SEL1L3: variants seen among roughly 807,000 people sequenced by gnomAD.
The protein encoded by SEL1L3 is protein sel-1 homolog 3.
In SEL1L3, 76 loss-of-function variants were observed where a neutral mutation model predicts 142.8. That is an observed-to-expected ratio of 0.53 (90% CI 0.44 to 0.64). SEL1L3 has a LOEUF of 0.64. Ranked by LOEUF, SEL1L3 falls within the 30% of genes least tolerant of loss-of-function variation. SEL1L3 has a pLI of 0.00. For missense variants in SEL1L3, 1,262 were observed against 1,381.7 expected (o/e 0.91, Z 1.37); for synonymous variants, 504 against 519.6 (o/e 0.97, Z 0.41).
At position 25,755,773 on chromosome 4, in the gene SEL1L3, T is replaced by TA. The variant is rs547497100; in HGVS notation, c.3259+1760dup. 1.7e-4 allele frequency: 117 copies of TA among 704,622 alleles called. No homozygotes were observed. The African/African-American group carries it at 2.1e-3, about 13-fold the overall frequency. The allele number at this position is 704,622 out of a possible 1,614,324, so 43.6% of individuals were successfully genotyped here. ...GAATTTTCATGGCTACCAGCTGGCA[T>TA]AAAATCACAAAGACAAATTTCAGCT... On this transcript the variant is annotated intron_variant, in intron 23 of 23. Transcript: ENST00000399878.
chr4:25,717,351 TATA>T, the SEL1L3 span, among the ~76,000 whole-genome samples: 18 of 152,304 alleles, frequency 1.2e-4, no homozygotes, highest in East Asian at 2.5e-3. Flanking sequence ...TTTTTGTGGC[TATA>T]ATATTTTGTT....
chr4:25,778,209 G>A (rs1719765623), intron 16 of SEL1L3, among the ~76,000 whole-genome samples: 1 of 152,034 alleles, frequency 6.6e-6, no homozygotes, highest in African/African-American at 2.4e-5. Flanking sequence ...TGACAAAGAA[G>A]AGAACCAAAA....
intron 20 of SEL1L3, among the ~76,000 whole-genome samples, chr4:25,761,157 TAAGAG>T (rs906421166): frequency 6.6e-6 from 1 of 152,170 alleles, no homozygotes; most frequent in African/African-American, 2.4e-5. Flanking sequence ...TTTGAGATAT[TAAGAG>T]AAAAGAAAAA....
Position 25,818,310 on chromosome 4 carries a change from C to T in SEL1L3, c.1424-32G>A, listed in dbSNP as rs992873139. ...AGAAGAGGGAGCAGAAGATATCACACCCTTTAGCAGAAGATAAGACTCACC... is the reference window on the plus strand; with the variant it reads ...AGAAGAGGGAGCAGAAGATATCACATCCTTTAGCAGAAGATAAGACTCACC... On this transcript the variant is annotated intron_variant, in intron 8 of 23. Transcript: ENST00000399878. 3 of 1,568,842 alleles carry T rather than the reference C, an allele frequency of 1.9e-6. No individual in the cohort carries two copies. The South Asian group carries it at 3.6e-5, about 19-fold the overall frequency.
Position 25,804,634 on chromosome 4 carries a change from C to T in SEL1L3, c.1683G>A (p.Leu561=), listed in dbSNP as rs1003841509. ...LHQISSIVPF[L]TDSSCCGYHK... is the part of the protein sequence containing the mutation. ...GGTATCCACAGCAGCTGGAATCCGT[C>T]AGAAAGGGGACGATAGAGCTAATTT... The change falls in exon 10 of 24, where the codon CTG becomes CTA. Residue 561 remains leucine, a synonymous_variant. Coordinates refer to ENST00000399878, the MANE Select transcript of SEL1L3 (RefSeq NM_015187.5). 1.2e-6 allele frequency: 2 copies of T among 1,613,766 alleles called. No homozygotes were observed. Among genetic ancestry groups the T allele is most frequent in the Non-Finnish European group, 1.7e-6 (2 of 1,179,798 alleles).
At chr4:25,797,481 T>C (rs1367563760) in intron 11 of SEL1L3, among the ~76,000 whole-genome samples, 1 of 152,148 alleles carries the variant, frequency 6.6e-6, no homozygotes, top group Non-Finnish European at 1.5e-5. Flanking sequence ...TAGGGACTTG[T>C]AAGTCGGAAG....
chr4:25,798,133 G>A lies in SEL1L3; in HGVS notation c.1956+4150C>T, dbSNP rs554950846. On this transcript the variant is annotated intron_variant, in intron 11 of 23. Transcript: ENST00000399878. ...GTAGCAAGGAACCAGATCGAAGAAC[G>A]TCTCATACGGCATCCGATGAGCTAG... Among the ~76,000 whole-genome samples the A allele has an allele frequency of 5.9e-5, 9 of 152,256 alleles. No individual in the cohort carries two copies. The East Asian group carries it at 1.5e-3, about 26-fold the overall frequency.
At chr4:25,722,477 A>G in the SEL1L3 span, among the ~76,000 whole-genome samples, 1 of 152,186 alleles carries the variant, frequency 6.6e-6, no homozygotes, top group Non-Finnish European at 1.5e-5. Context: ...AAGAATAAAA[A>G]TACATAGAGC....
In SEL1L3 at chr4:25,790,594, AGAAGGAAGGAGGGAAAGAAG is replaced by A; in HGVS notation, c.1957-40_1957-21del. 7.2e-7 allele frequency: 1 copy of A among 1,390,204 alleles called. No individual in the cohort carries two copies. The highest frequency in any genetic ancestry group is 9.8e-7 in the Non-Finnish European group (1 of 1,015,606). The allele number at this position is 1,390,204 out of a possible 1,614,324, so 86.1% of individuals were successfully genotyped here. A position where few individuals can be genotyped will look rare whatever the true frequency, so the allele number is the denominator to read the frequency against. Reference sequence around the variant, plus strand: ...ATATGCCTGAGAAGGAAGGAGGGAAAGAAGGAAGGAGGGAAAGAAGGAAGGAAGGAAGGAAGGAAGGAAGG... The same window carrying A: ...ATATGCCTGAGAAGGAAGGAGGGAAAGAAGGAAGGAAGGAAGGAAGGAAGG... On this transcript the variant is annotated intron_variant, in intron 11 of 23. Coordinates refer to ENST00000399878, the MANE Select transcript of SEL1L3 (RefSeq NM_015187.5).
chr4:25,770,111 G>A (rs1182230628), intron 17 of SEL1L3, among the ~76,000 whole-genome samples: 1 of 152,140 alleles, frequency 6.6e-6, no homozygotes, highest in African/African-American at 2.4e-5. Context: ...CTGGGCGATA[G>A]AGCCAGATTC....
chr4:25,835,129 T>C, intron 3 of SEL1L3, 68 bp downstream of exon 3: 1 of 1,564,406 alleles, frequency 6.4e-7, no homozygotes, highest in South Asian at 1.2e-5. Flanking sequence ...ATTCTTCCAC[T>C]AGCCTGCTCT....
rs1041024293 is a variant in SEL1L3, at chr4:25,847,334, G to T, written c.693C>A (p.Asn231Lys). The T allele has an allele frequency of 9.3e-6, 15 of 1,613,784 alleles. 1 individual carries two copies. The African/African-American group carries it at 1.7e-4, about 19-fold the overall frequency. ...CLEWNMGYIW[N>K]LRANRIPQCP... ...ACTGTGGAATCCTGTTTGCCCGAAG[G>T]TTCCAAATATAACCCATGTTCCACT... The change falls in exon 2 of 24, where the codon AAC becomes AAA. Residue 231 changes from asparagine (N) to lysine (K), a missense_variant. Transcript: ENST00000399878.
At chr4:25,734,713 C>T in the SEL1L3 span, among the ~76,000 whole-genome samples, 5 of 151,994 alleles carry the variant, frequency 3.3e-5, no homozygotes, top group African/African-American at 9.7e-5. Context: ...GGATTACAGG[C>T]GCCCACCACA....
chr4:25,753,586 G>C (rs925421150), intron 23 of SEL1L3, among the ~76,000 whole-genome samples: 2 of 152,254 alleles, frequency 1.3e-5, no homozygotes, highest in African/African-American at 4.8e-5. Flanking sequence ...TCTCTGAGCA[G>C]CATCGCCTTT....
At chr4:25,733,237 A>T in the SEL1L3 span, among the ~76,000 whole-genome samples, 5 of 152,106 alleles carry the variant, frequency 3.3e-5, no homozygotes, top group Admixed American at 3.3e-4. Context: ...TGAAAATATT[A>T]AGTATTTTGA....
At chr4:25,857,051 G>A (rs1393536754) in intron 1 of SEL1L3, among the ~76,000 whole-genome samples, 1 of 152,118 alleles carries the variant, frequency 6.6e-6, no homozygotes, top group Non-Finnish European at 1.5e-5. Flanking sequence ...AGAAAACTGT[G>A]GCTCATGAGG....
At chr4:25,771,875 T>C (rs1457851088) in intron 17 of SEL1L3, among the ~76,000 whole-genome samples, 1 of 152,248 alleles carries the variant, frequency 6.6e-6, no homozygotes, top group Non-Finnish European at 1.5e-5. Flanking sequence ...GACAACATTA[T>C]CTTCTGTATT....
the SEL1L3 span, among the ~76,000 whole-genome samples, chr4:25,741,283 T>C: frequency 6.6e-6 from 1 of 151,882 alleles, no homozygotes; most frequent in Non-Finnish European, 1.5e-5. Flanking sequence ...TTTGTATTTT[T>C]AGTAGAGACG....
At chr4:25,840,857 C>G (rs762357512) in intron 2 of SEL1L3, among the ~76,000 whole-genome samples, 47 of 152,272 alleles carry the variant, frequency 3.1e-4, no homozygotes, top group Non-Finnish European at 5.9e-4. Flanking sequence ...GCAGCCACCC[C>G]CAAGCAACAC....
Sources: gnomAD v4.1 joint callset for allele counts (sites outside exome capture counted in the v4.1 genomes callset) on GRCh38, gnomAD v4.1.1 for gene constraint, MANE v1.5 for transcripts, NCBI Gene and HGNC (gene_info 2026-07-23, HGNC 2026-07-21) for gene names.